Variants in PPA1 observed in about 807,000 individuals in gnomAD.
The protein encoded by PPA1 is inorganic pyrophosphatase.
PPA1 carries 23 observed loss-of-function variants against 41.8 expected under a neutral mutation model. That is an observed-to-expected ratio of 0.55 (90% CI 0.40 to 0.78). PPA1 has a LOEUF of 0.78. PPA1 is among the 30% of genes least tolerant of loss of function. PPA1 has a pLI of 0.00. For synonymous variants in PPA1, 101 were observed against 116.8 expected, an observed-to-expected ratio of 0.86 and a Z score of 0.87; for missense variants, 320 against 361.6, an observed-to-expected ratio of 0.89 and a Z score of 0.93.
intron 9 of PPA1, 119 bp downstream of exon 9, chr10:70,206,145 A>G: frequency 1.3e-6 from 1 of 753,764 alleles, no homozygotes; most frequent in Non-Finnish European, 2.3e-6. Context: ...GACTCCACAC[A>G]GTAACATGCA....
intron 10 of PPA1, chr10:70,203,678 G>A (rs1839905601): frequency 6.5e-6 from 1 of 153,194 alleles, no homozygotes; most frequent in African/African-American, 2.4e-5. Flanking sequence ...AAAGTGCTGG[G>A]ATGACAGGTG....
At chr10:70,208,681 T>C (rs986076165) in intron 8 of PPA1, among the ~76,000 whole-genome samples, 1 of 152,088 alleles carries the variant, frequency 6.6e-6, no homozygotes, top group African/African-American at 2.4e-5. Flanking sequence ...CTCTTCTCCA[T>C]TTTTCTTCTG....
At chr10:70,214,639 C>A in intron 4 of PPA1, 53 bp from the exon 5 acceptor site, 1 of 1,409,298 alleles carries the variant, frequency 7.1e-7, no homozygotes, top group South Asian at 1.2e-5. Flanking sequence ...CAAAATGGAT[C>A]ATGTTGAGAA....
chr10:70,205,211 C>T (rs781337579), intron 9 of PPA1: 4 of 177,838 alleles, frequency 2.2e-5, no homozygotes, highest in Non-Finnish European at 4.7e-5. Flanking sequence ...GGTGAAACCC[C>T]GTCTCTACTA....
intron 2 of PPA1, among the ~76,000 whole-genome samples, chr10:70,222,620 G>A (rs181631448): frequency 2.2e-4 from 34 of 152,210 alleles, no homozygotes; most frequent in Admixed American, 5.2e-4. Context: ...CAGTTTGTAG[G>A]CCTCAGGCTA....
At chr10:70,233,175 C>G (rs1472445109) in intron 1 of PPA1, 89 bp downstream of exon 1, 2 of 1,407,344 alleles carry the variant, frequency 1.4e-6, no homozygotes, top group South Asian at 1.4e-5. Context: ...GACCTGGGGC[C>G]GAGCGCGGGC....
intron 2 of PPA1, among the ~76,000 whole-genome samples, chr10:70,221,078 T>A (rs77676430): frequency 0.36 from 3,450 of 9,566 alleles, 329 homozygotes; most frequent in Middle Eastern, 0.45. Context: ...ATATATATAT[T>A]TTTTTTTTTT....
chr10:70,221,205 C>T (rs192180199), intron 2 of PPA1, among the ~76,000 whole-genome samples: 33 of 145,866 alleles, frequency 2.3e-4, no homozygotes, highest in Non-Finnish European at 4.0e-4. Flanking sequence ...TACTTCTTTG[C>T]TACTTTCCAT....
At chr10:70,213,336 C>T in intron 6 of PPA1, 127 bp downstream of exon 6, 1 of 1,113,342 alleles carries the variant, frequency 9.0e-7, no homozygotes, top group African/African-American at 1.6e-5. Context: ...TAATGCTTGT[C>T]CAGTGCTTTG....
chr10:70,213,662 A>G, intron 5 of PPA1, 73 bp from the exon 6 acceptor site: 3 of 1,493,896 alleles, frequency 2.0e-6, no homozygotes, highest in South Asian at 1.3e-5. Flanking sequence ...CTTGGCTAAC[A>G]GGAAATAAGA....
At chr10:70,225,405 G>A (rs1040134197) in intron 2 of PPA1, among the ~76,000 whole-genome samples, 2 of 151,760 alleles carry the variant, frequency 1.3e-5, no homozygotes, top group East Asian at 1.9e-4. Flanking sequence ...GGTAAAGACC[G>A]GGTTTCACCA....
intron 8 of PPA1, among the ~76,000 whole-genome samples, chr10:70,207,591 T>C: frequency 6.6e-6 from 1 of 152,116 alleles, no homozygotes; most frequent in East Asian, 1.9e-4. Context: ...GATCACTTCT[T>C]TGAGGTTACA....
intron 2 of PPA1, among the ~76,000 whole-genome samples, chr10:70,223,251 G>A (rs1217749602): frequency 6.8e-6 from 1 of 147,398 alleles, no homozygotes; most frequent in Non-Finnish European, 1.5e-5. Context: ...GTCTCACTCT[G>A]TCATCCAGAC....
intron 2 of PPA1, among the ~76,000 whole-genome samples, chr10:70,228,053 G>C (rs773913863): frequency 2.0e-5 from 3 of 151,994 alleles, no homozygotes; most frequent in Non-Finnish European, 4.4e-5. Context: ...ATTCCTTCCA[G>C]CCTCTCAGGC....
chr10:70,233,366 C>G lies in PPA1; in HGVS notation c.-39G>C. On this transcript the variant is annotated 5_prime_UTR_variant, in exon 1 of 11. Transcript: ENST00000373232. ...TGCCGCCGCCGCTGCCACAGAGCCA[C>G]CAGCCCGCACGCGGCGCCGACTGAC... The G allele has an allele frequency of 6.5e-7, 1 of 1,528,850 alleles. No homozygotes were observed. Among genetic ancestry groups the G allele is most frequent in the South Asian group, 1.2e-5 (1 of 82,110 alleles). 94.7% of individuals were successfully genotyped at this position (1,528,850 alleles called of 1,614,324 possible).
rs373981178 is a variant in PPA1 at position 70,210,413 on chromosome 10, T to G, written c.512-728A>C. The G allele has an allele frequency of 8.8e-6, 12 of 1,364,772 alleles. No homozygotes were observed. The South Asian group carries it at 1.4e-4, about 16-fold the overall frequency. 84.5% of individuals were successfully genotyped at this position (1,364,772 alleles called of 1,614,324 possible). On this transcript the variant is annotated intron_variant, in intron 6 of 10. Transcript: ENST00000373232. ...GCTATGTCAGAGGATCACAACACTA[T>G]TACATACTAAAAGATAAGAAAAATA...
intron 2 of PPA1, among the ~76,000 whole-genome samples, chr10:70,221,077 T>TATA (rs1491245702): frequency 0.14 from 1,342 of 9,888 alleles, 181 homozygotes; most frequent in East Asian, 0.32. Flanking sequence ...TATATATATA[T>TATA]TTTTTTTTTT....
chr10:70,219,197 C>G (rs1016848082), intron 2 of PPA1, among the ~76,000 whole-genome samples: 1 of 152,130 alleles, frequency 6.6e-6, no homozygotes, highest in Non-Finnish European at 1.5e-5. Flanking sequence ...GCCATCTTGC[C>G]CAGCCAACTT....
At chr10:70,218,551 G>T in intron 3 of PPA1, 1 of 523,452 alleles carries the variant, frequency 1.9e-6, no homozygotes, top group East Asian at 3.2e-5. Flanking sequence ...CAAAGATGTT[G>T]GGAAGAAAAG....
Sources: gnomAD v4.1 joint callset for allele counts (sites outside exome capture counted in the v4.1 genomes callset) on GRCh38, gnomAD v4.1.1 for gene constraint, MANE v1.5 for transcripts, NCBI Gene and HGNC (gene_info 2026-07-23, HGNC 2026-07-21) for gene names.